Variants in TAS2R1 observed in about 807,000 individuals in gnomAD.
TAS2R1 encodes taste 2 receptor member 1, also known as taste receptor type 2 member 1.
For synonymous variants in TAS2R1, 141 were observed against 134.2 expected (o/e 1.05, Z -0.35); for missense variants, 370 against 353.4 (o/e 1.05, Z -0.38).
chr5:9,785,732 A>T, the TAS2R1 span, among the ~76,000 whole-genome samples: 1,816 of 152,340 alleles, frequency 0.012, 29 homozygotes, highest in African/African-American at 0.042. Context: ...TAAAGTCTCC[A>T]TCTAAAGACA....
chr5:9,873,728 T>A, the TAS2R1 span, among the ~76,000 whole-genome samples: 1 of 151,272 alleles, frequency 6.6e-6, no homozygotes. Context: ...AATTAGCCGG[T>A]AGTGGTGGCC....
chr5:9,898,435 G>A, the TAS2R1 span, among the ~76,000 whole-genome samples: 1 of 152,222 alleles, frequency 6.6e-6, no homozygotes, highest in Non-Finnish European at 1.5e-5. Context: ...GTGGTTTTGA[G>A]ACCTTCCCTA....
At chr5:9,886,920 C>T in the TAS2R1 span, among the ~76,000 whole-genome samples, 3 of 152,268 alleles carry the variant, frequency 2.0e-5, no homozygotes, top group South Asian at 6.2e-4. Context: ...GTAACCATCA[C>T]CAAAGGTAAT....
At chr5:9,762,566 T>C in the TAS2R1 span, among the ~76,000 whole-genome samples, 1 of 152,190 alleles carries the variant, frequency 6.6e-6, no homozygotes, top group Non-Finnish European at 1.5e-5. Flanking sequence ...ACCCGGTAAA[T>C]TGTCTTCGGA....
At chr5:9,679,135 T>C (rs1028658426) in intron 1 of TAS2R1, among the ~76,000 whole-genome samples, 1 of 152,168 alleles carries the variant, frequency 6.6e-6, no homozygotes. Flanking sequence ...TGATTCCAAA[T>C]ACACGACATT....
the TAS2R1 span, among the ~76,000 whole-genome samples, chr5:9,741,974 C>A: frequency 6.6e-6 from 1 of 152,186 alleles, no homozygotes; most frequent in East Asian, 1.9e-4. Flanking sequence ...CGGCTCACCA[C>A]AACCTCTGCC....
At chr5:9,825,134 T>A in the TAS2R1 span, among the ~76,000 whole-genome samples, 1 of 152,232 alleles carries the variant, frequency 6.6e-6, no homozygotes, top group African/African-American at 2.4e-5. Context: ...AAAATAGCAA[T>A]GTCTAATACT....
chr5:9,828,521 C>T, the TAS2R1 span, among the ~76,000 whole-genome samples: 1 of 152,158 alleles, frequency 6.6e-6, no homozygotes, highest in East Asian at 1.9e-4. Context: ...TATGGTGTGA[C>T]ATGAGGCAGG....
At chr5:9,687,964 C>A (rs192342641) in intron 1 of TAS2R1, among the ~76,000 whole-genome samples, 41 of 152,316 alleles carry the variant, frequency 2.7e-4, no homozygotes, top group Non-Finnish European at 5.1e-4. Context: ...AATGTGCCTG[C>A]CTTTTCTCCA....
At chr5:9,741,947 G>A in the TAS2R1 span, among the ~76,000 whole-genome samples, 2 of 152,282 alleles carry the variant, frequency 1.3e-5, no homozygotes, top group South Asian at 4.1e-4. Flanking sequence ...CCAGGCTGCA[G>A]TGCAATGGCA....
At chr5:9,709,529 A>G (rs1741690191) in intron 1 of TAS2R1, among the ~76,000 whole-genome samples, 1 of 152,192 alleles carries the variant, frequency 6.6e-6, no homozygotes, top group African/African-American at 2.4e-5. Context: ...GTGTGGCCAA[A>G]AGAACATGGC....
intron 1 of TAS2R1, among the ~76,000 whole-genome samples, chr5:9,710,776 T>C (rs1042671940): frequency 3.3e-5 from 5 of 151,136 alleles, no homozygotes; most frequent in African/African-American, 1.2e-4. Context: ...GGCCAATAAG[T>C]ATATGAAAAG....
chr5:9,840,876 T>TA, the TAS2R1 span, among the ~76,000 whole-genome samples: 1 of 72,948 alleles, frequency 1.4e-5, no homozygotes, highest in African/African-American at 7.2e-5. Flanking sequence ...TTTTTTTTTT[T>TA]TTTTTTTTTT....
rs1739777171 is a variant in TAS2R1 at position 9,627,462 on chromosome 5, G to A, written c.*1671C>T. 6.6e-6 allele frequency among the ~76,000 whole-genome samples: 1 copy of A among 151,932 alleles called. No individual in the cohort carries two copies. Among genetic ancestry groups the A allele is most frequent in the Admixed American group, 6.6e-5 (1 of 15,256 alleles). ...ATTAGCTAACGTTATTAAAGCAGGA[G>A]TTGCATGAAATAGAATCAGAATTTA... On this transcript the variant is annotated 3_prime_UTR_variant, in exon 1 of 1. Transcript: ENST00000382492.
At chr5:9,750,287 G>T in the TAS2R1 span, among the ~76,000 whole-genome samples, 43 of 152,136 alleles carry the variant, frequency 2.8e-4, no homozygotes, top group East Asian at 8.3e-3. Context: ...TCAAGCTTAG[G>T]TGCTGTAAGA....
chr5:9,794,128 T>A, the TAS2R1 span, among the ~76,000 whole-genome samples: 1 of 152,238 alleles, frequency 6.6e-6, no homozygotes, highest in Non-Finnish European at 1.5e-5. Flanking sequence ...CTGGGTCATT[T>A]AAGTCATTTG....
At chr5:9,658,168 GCTGA>G (rs765520070) in intron 2 of TAS2R1, among the ~76,000 whole-genome samples, 4 of 152,170 alleles carry the variant, frequency 2.6e-5, no homozygotes, top group East Asian at 1.9e-4. Context: ...CATACAGGGT[GCTGA>G]CTATTTGCCA....
chr5:9,719,505 T>G, the TAS2R1 span, among the ~76,000 whole-genome samples: 9 of 152,332 alleles, frequency 5.9e-5, no homozygotes, highest in Non-Finnish European at 4.4e-5. Context: ...ACTCTTCCAC[T>G]GAAAACTATT....
chr5:9,669,286 G>A (rs1490674991), intron 1 of TAS2R1, among the ~76,000 whole-genome samples: 3 of 152,182 alleles, frequency 2.0e-5, no homozygotes, highest in Admixed American at 6.5e-5. Context: ...CCGACAAAGA[G>A]ACTTTGATAA....
Sources: gnomAD v4.1 joint callset for allele counts (sites outside exome capture counted in the v4.1 genomes callset) on GRCh38, gnomAD v4.1.1 for gene constraint, MANE v1.5 for transcripts, NCBI Gene and HGNC (gene_info 2026-07-23, HGNC 2026-07-21) for gene names.